The following PTPRR variants were observed in gnomAD, a reference collection of about 807,000 sequenced individuals.
The protein encoded by PTPRR is receptor-type tyrosine-protein phosphatase R.
Under a neutral mutation model 77.2 loss-of-function variants are expected in PTPRR, and 38 were observed. That is an observed-to-expected ratio of 0.49 (90% CI 0.38 to 0.65). PTPRR has a LOEUF of 0.65. PTPRR is among the 30% of genes least tolerant of loss of function. The pLI is 0.00. For missense variants in PTPRR, 744 were observed against 799.2 expected (o/e 0.93, Z 0.83); for synonymous variants, 299 against 283.1 (o/e 1.06, Z -0.57).
At chr12:70,707,138 A>C (rs547322133) in intron 6 of PTPRR, among the ~76,000 whole-genome samples, 8 of 152,216 alleles carry the variant, frequency 5.3e-5, no homozygotes, top group African/African-American at 1.9e-4. Context: ...AGTTGGGACT[A>C]TTTTTCATAC....
At chr12:70,836,114 A>G (rs1297864432) in intron 2 of PTPRR, among the ~76,000 whole-genome samples, 1 of 151,994 alleles carries the variant, frequency 6.6e-6, no homozygotes, top group African/African-American at 2.4e-5. Flanking sequence ...GAAGGACTCC[A>G]CTAATACTTG....
At chr12:70,857,739 G>T (rs1242443768) in intron 2 of PTPRR, among the ~76,000 whole-genome samples, 4 of 152,042 alleles carry the variant, frequency 2.6e-5, no homozygotes, top group Admixed American at 1.3e-4. Context: ...ACACATAAAA[G>T]CCTAATTGAG....
intron 6 of PTPRR, among the ~76,000 whole-genome samples, chr12:70,712,209 G>A (rs140617572): frequency 3.3e-5 from 5 of 152,036 alleles, no homozygotes; most frequent in Non-Finnish European, 5.9e-5. Context: ...GAAGGAAGGC[G>A]CCAATTACCT....
rs769678669 is a variant in PTPRR, at chr12:70,701,121, T to G, written c.1194+16A>C. The G allele has an allele frequency of 2.5e-6, 4 of 1,613,368 alleles. No homozygotes were observed. ...AAAATACCGACTGAAGAGTGAACAATAAATAGAAGGCTCACCATGAATTCA... is the reference window on the plus strand; with the variant it reads ...AAAATACCGACTGAAGAGTGAACAAGAAATAGAAGGCTCACCATGAATTCA... On this transcript the variant is annotated intron_variant, in intron 7 of 13. Transcript: ENST00000283228.
intron 2 of PTPRR, among the ~76,000 whole-genome samples, chr12:70,827,735 TGAGATGGAG>T (rs1892139031): frequency 8.3e-6 from 1 of 120,786 alleles, no homozygotes; most frequent in Admixed American, 8.8e-5. Context: ...TTTTTTTTTT[TGAGATGGAG>T]TCTTGCTCTG....
At chr12:70,735,682 G>T (rs1024592569) in intron 6 of PTPRR, among the ~76,000 whole-genome samples, 5 of 152,224 alleles carry the variant, frequency 3.3e-5, no homozygotes, top group African/African-American at 1.2e-4. Context: ...AGGTTGTCAA[G>T]ATTGTATCTT....
chr12:70,678,236 T>C (rs1171350566), intron 10 of PTPRR, among the ~76,000 whole-genome samples: 1 of 152,210 alleles, frequency 6.6e-6, no homozygotes, highest in Admixed American at 6.5e-5. Context: ...AGACAGGGTT[T>C]CACCATGTTG....
At chr12:70,784,863 AG>A (rs1249575443) in intron 2 of PTPRR, among the ~76,000 whole-genome samples, 1 of 152,200 alleles carries the variant, frequency 6.6e-6, no homozygotes, top group East Asian at 1.9e-4. Context: ...AACATTAAAA[AG>A]TGGCCTGATT....
chr12:70,673,104 A>G (rs958708913), intron 10 of PTPRR: 1 of 947,680 alleles, frequency 1.1e-6, no homozygotes, highest in African/African-American at 1.7e-5. Context: ...GTACAATGAC[A>G]TCCTTGGTCT....
At chr12:70,777,434 T>G (rs1891114368) in intron 2 of PTPRR, among the ~76,000 whole-genome samples, 1 of 152,164 alleles carries the variant, frequency 6.6e-6, no homozygotes, top group African/African-American at 2.4e-5. Flanking sequence ...TATTTCTTGA[T>G]TTATAAAATT....
At chr12:70,687,405 G>C (rs780663897) in intron 8 of PTPRR, among the ~76,000 whole-genome samples, 4 of 34,640 alleles carry the variant, frequency 1.2e-4, no homozygotes, top group Non-Finnish European at 3.1e-4. Flanking sequence ...AAGGGATCTG[G>C]CTTTGGCAGG....
chr12:70,920,245 C>T lies in PTPRR; in HGVS notation c.58+88G>A, dbSNP rs1019791718. The T allele has an allele frequency of 5.6e-6, 8 of 1,417,548 alleles. No individual in the cohort carries two copies. The South Asian group carries it at 8.4e-5, about 15-fold the overall frequency. The allele number at this position is 1,417,548 out of a possible 1,614,324, so 87.8% of individuals were successfully genotyped here. On this transcript the variant is annotated intron_variant, in intron 1 of 13. Coordinates refer to ENST00000283228, the MANE Select transcript of PTPRR (RefSeq NM_002849.4). ...TTTACCTTTTTAGAAAGGCTTTCTT[C>T]GCAAGGCAAGCTTTTCCTAGAGTCC...
intron 8 of PTPRR, among the ~76,000 whole-genome samples, chr12:70,697,905 A>G (rs1435746606): frequency 6.6e-6 from 1 of 152,166 alleles, no homozygotes; most frequent in African/African-American, 2.4e-5. Flanking sequence ...GGACATTATA[A>G]TAAGAGTAAA....
chr12:70,804,677 C>T (rs1038756701), intron 2 of PTPRR, among the ~76,000 whole-genome samples: 2 of 152,176 alleles, frequency 1.3e-5, no homozygotes, highest in African/African-American at 4.8e-5. Flanking sequence ...CAGGGCCACA[C>T]AAGAAGTTAA....
rs1247508565 is a variant in PTPRR, at chr12:70,761,547, T to A, written c.551A>T (p.Glu184Val). Residue 184 changes from glutamate (E) to valine (V), a missense_variant, in exon 4 of 14, where the codon GAA becomes GTA. Transcript: ENST00000283228. Reference sequence around the variant, plus strand: ...ATTGATATTAAGTGAACGAAGAACTTCCTCAGAGGGCAGAGCATCAGAAAT... The same window carrying A: ...ATTGATATTAAGTGAACGAAGAACTACCTCAGAGGGCAGAGCATCAGAAAT... The part of the protein sequence containing the change: ...TGISDALPSE[E>V]VLRSLNINVL... 1.2e-6 allele frequency: 2 copies of A among 1,612,532 alleles called. No individual in the cohort carries two copies. The highest frequency in any genetic ancestry group is 1.1e-5 in the South Asian group (1 of 90,866).
At chr12:70,824,796 A>G (rs1346456403) in intron 2 of PTPRR, among the ~76,000 whole-genome samples, 1 of 152,116 alleles carries the variant, frequency 6.6e-6, no homozygotes, top group Non-Finnish European at 1.5e-5. Context: ...AAAAATCACC[A>G]TTCCTTCGGG....
intron 1 of PTPRR, among the ~76,000 whole-genome samples, chr12:70,895,845 G>C (rs1893418747): frequency 6.6e-6 from 1 of 151,624 alleles, no homozygotes; most frequent in Admixed American, 6.6e-5. Context: ...ATATACTCAA[G>C]TAAAAATTTT....
chr12:70,903,530 A>G (rs928250774), intron 1 of PTPRR, among the ~76,000 whole-genome samples: 1 of 151,916 alleles, frequency 6.6e-6, no homozygotes, highest in Non-Finnish European at 1.5e-5. Flanking sequence ...TTAGACATCC[A>G]TATGTAACAA....
At chr12:70,754,953 G>C (rs920769088) in intron 4 of PTPRR, among the ~76,000 whole-genome samples, 1 of 151,956 alleles carries the variant, frequency 6.6e-6, no homozygotes, top group Non-Finnish European at 1.5e-5. Context: ...TCAATAAAAG[G>C]TAGAATACAC....
Sources: gnomAD v4.1 joint callset for allele counts (sites outside exome capture counted in the v4.1 genomes callset) on GRCh38, gnomAD v4.1.1 for gene constraint, MANE v1.5 for transcripts, NCBI Gene and HGNC (gene_info 2026-07-23, HGNC 2026-07-21) for gene names.